MAPKAP1: variants seen among roughly 807,000 people sequenced by gnomAD.
MAPKAP1 encodes the protein MAPK associated protein 1, also known as target of rapamycin complex 2 subunit MAPKAP1.
In MAPKAP1, 20 loss-of-function variants were observed where a neutral mutation model predicts 65.7. That is an observed-to-expected ratio of 0.30 (90% CI 0.21 to 0.44). The LOEUF (loss-of-function observed/expected upper bound fraction) is 0.44. Ranked by LOEUF, MAPKAP1 falls within the 20% of genes least tolerant of loss-of-function variation. MAPKAP1 has a pLI of 1.00. For synonymous variants in MAPKAP1, 222 were observed against 244.3 expected (o/e 0.91, Z 0.85); for missense variants, 423 against 648.0 (o/e 0.65, Z 3.77).
intron 4 of MAPKAP1, among the ~76,000 whole-genome samples, chr9:125,591,275 C>T (rs773692608): frequency 1.1e-4 from 17 of 152,138 alleles, no homozygotes; most frequent in Non-Finnish European, 2.4e-4. Context: ...GCTTGAAAAT[C>T]GTCTCCCTCT....
chr9:125,465,851 G>A (rs1161015188), intron 10 of MAPKAP1, among the ~76,000 whole-genome samples: 3 of 152,208 alleles, frequency 2.0e-5, no homozygotes, highest in Non-Finnish European at 4.4e-5. Context: ...CTTGAAAAAT[G>A]AGCAGGCTGA....
chr9:125,684,088 G>A (rs1024345139), intron 1 of MAPKAP1, among the ~76,000 whole-genome samples: 3 of 152,128 alleles, frequency 2.0e-5, no homozygotes, highest in African/African-American at 7.2e-5. Flanking sequence ...TCATTACAGT[G>A]AGTCATATGA....
intron 10 of MAPKAP1, among the ~76,000 whole-genome samples, chr9:125,448,117 C>T (rs1026797053): frequency 7.9e-5 from 12 of 152,018 alleles, no homozygotes; most frequent in African/African-American, 2.4e-4. Context: ...AGCCTGGAGG[C>T]GAGGTAAGCA....
At chr9:125,582,339 A>G (rs1831649334) in intron 5 of MAPKAP1, among the ~76,000 whole-genome samples, 1 of 152,108 alleles carries the variant, frequency 6.6e-6, no homozygotes, top group South Asian at 2.1e-4. Flanking sequence ...CTGCTTTACT[A>G]TATTCTGTTC....
chr9:125,632,716 C>T (rs1833322127), intron 4 of MAPKAP1, among the ~76,000 whole-genome samples: 1 of 152,186 alleles, frequency 6.6e-6, no homozygotes, highest in Non-Finnish European at 1.5e-5. Flanking sequence ...TGTTCTCATT[C>T]AGGTCCCTGA....
At chr9:125,580,941 GGAT>G (rs1321161363) in intron 5 of MAPKAP1, among the ~76,000 whole-genome samples, 1 of 152,202 alleles carries the variant, frequency 6.6e-6, no homozygotes, top group Non-Finnish European at 1.5e-5. Flanking sequence ...GTCATTTTGA[GGAT>G]GTTACATAAA....
At chr9:125,639,007 G>C (rs1292935384) in intron 4 of MAPKAP1, among the ~76,000 whole-genome samples, 1 of 152,178 alleles carries the variant, frequency 6.6e-6, no homozygotes, top group Non-Finnish European at 1.5e-5. Context: ...GGGAGGCTGA[G>C]ACGGGCGGAC....
intron 9 of MAPKAP1, among the ~76,000 whole-genome samples, chr9:125,479,042 TACTAGATTTTTCC>T (rs1366412036): frequency 2.6e-5 from 4 of 152,220 alleles, no homozygotes; most frequent in African/African-American, 4.8e-5. Context: ...CTTGATTACT[TACTAGATTTTTCC>T]TACACCCCAG....
intron 1 of MAPKAP1, among the ~76,000 whole-genome samples, chr9:125,690,514 A>G (rs2131846022): frequency 6.6e-6 from 1 of 152,288 alleles, no homozygotes; most frequent in Non-Finnish European, 1.5e-5. Context: ...TTCTGTGTCT[A>G]TTTCCTCATC....
intron 1 of MAPKAP1, 127 bp from the exon 2 acceptor site, chr9:125,672,770 C>T: frequency 1.6e-6 from 1 of 640,496 alleles, no homozygotes; most frequent in Non-Finnish European, 2.7e-6. Context: ...TTCTGTGGAG[C>T]TTAAAAGGAT....
chr9:125,444,604 G>A lies in MAPKAP1; in HGVS notation c.1346-6C>T, dbSNP rs1852629133. The stretch of plus-strand genomic sequence containing the variant: ...GAGTTTAAATATTGCGTGACCTGCA[G>A]AGACAGAAAACTGTGTTGAGGGGTT... On this transcript the variant is annotated splice_polypyrimidine_tract_variant and splice_region_variant and intron_variant, in intron 10 of 11. Coordinates refer to ENST00000265960, the MANE Select transcript of MAPKAP1 (RefSeq NM_001006617.3). The A allele has an allele frequency of 2.5e-6, 4 of 1,607,122 alleles. No individual in the cohort carries two copies. Among genetic ancestry groups the A allele is most frequent in the Non-Finnish European group, 3.4e-6 (4 of 1,174,424 alleles).
At chr9:125,496,354 G>A (rs552636502) in intron 8 of MAPKAP1, among the ~76,000 whole-genome samples, 94 of 152,268 alleles carry the variant, frequency 6.2e-4, no homozygotes, top group African/African-American at 2.0e-3. Flanking sequence ...ACACCTCCCC[G>A]CTAAAGCCAG....
At chr9:125,615,078 G>A (rs988608788) in intron 4 of MAPKAP1, among the ~76,000 whole-genome samples, 1 of 152,052 alleles carries the variant, frequency 6.6e-6, no homozygotes, top group Admixed American at 6.6e-5. Context: ...CAATGTCAAA[G>A]AAATCAACTA....
chr9:125,700,542 T>C (rs1404543905), intron 1 of MAPKAP1, among the ~76,000 whole-genome samples: 2 of 152,238 alleles, frequency 1.3e-5, no homozygotes, highest in African/African-American at 4.8e-5. Context: ...TTCTAGAGTT[T>C]CGGGTTTGTT....
At chr9:125,487,032 A>G (rs1945168412) in intron 8 of MAPKAP1, among the ~76,000 whole-genome samples, 1 of 152,220 alleles carries the variant, frequency 6.6e-6, no homozygotes, top group African/African-American at 2.4e-5. Flanking sequence ...TGCAACTCAG[A>G]CACTGCCAGT....
chr9:125,461,209 G>C (rs1204509808), intron 10 of MAPKAP1, among the ~76,000 whole-genome samples: 2 of 152,174 alleles, frequency 1.3e-5, no homozygotes, highest in African/African-American at 2.4e-5. Flanking sequence ...GTCTGCTTAC[G>C]GTTTTTCTCC....
intron 7 of MAPKAP1, among the ~76,000 whole-genome samples, chr9:125,514,354 C>T (rs1427636275): frequency 6.6e-6 from 1 of 152,184 alleles, no homozygotes; most frequent in Non-Finnish European, 1.5e-5. Flanking sequence ...CTGCCTCCCC[C>T]AGCCTCGAGG....
At chr9:125,634,263 G>C (rs1833364692) in intron 4 of MAPKAP1, among the ~76,000 whole-genome samples, 1 of 152,130 alleles carries the variant, frequency 6.6e-6, no homozygotes, top group Non-Finnish European at 1.5e-5. Flanking sequence ...GAGAAAACAA[G>C]GCTTTATAAA....
chr9:125,487,919 T>C (rs573283807), intron 8 of MAPKAP1, among the ~76,000 whole-genome samples: 1 of 152,328 alleles, frequency 6.6e-6, no homozygotes, highest in Non-Finnish European at 1.5e-5. Flanking sequence ...CACTCCTAAA[T>C]TTGCTGTGGG....
Sources: gnomAD v4.1 joint callset for allele counts (sites outside exome capture counted in the v4.1 genomes callset) on GRCh38, gnomAD v4.1.1 for gene constraint, MANE v1.5 for transcripts, NCBI Gene and HGNC (gene_info 2026-07-23, HGNC 2026-07-21) for gene names.